The following TRIO variants were observed in gnomAD, a reference collection of about 807,000 sequenced individuals.
The protein encoded by TRIO is trio Rho guanine nucleotide exchange factor, also known as triple functional domain protein.
In TRIO, 58 loss-of-function variants were observed where a neutral mutation model predicts 351.9. That is an observed-to-expected ratio of 0.16 (90% confidence interval 0.13 to 0.21). TRIO has a LOEUF of 0.21. Among genes scored for constraint, TRIO ranks in the 10% least tolerant of loss-of-function variants. The pLI, the probability that TRIO is intolerant of heterozygous loss-of-function variation, is 1.00. For synonymous variants in TRIO, 1,758 were observed against 1,595.7 expected (o/e 1.10, Z -2.42); for missense variants, 3,201 against 4,027.8 (o/e 0.79, Z 5.56).
intron 34 of TRIO, among the ~76,000 whole-genome samples, chr5:14,449,391 C>T (rs746556483): frequency 3.9e-5 from 6 of 152,172 alleles, no homozygotes; most frequent in East Asian, 1.9e-4. Flanking sequence ...GACATCGACG[C>T]GGCCAGCCTC....
chr5:14,181,724 T>C (rs1789781487), intron 1 of TRIO, among the ~76,000 whole-genome samples: 1 of 152,174 alleles, frequency 6.6e-6, no homozygotes, highest in African/African-American at 2.4e-5. Flanking sequence ...GTCAGGGGTC[T>C]GTAAAGGTGG....
At chr5:14,224,167 A>G (rs1792831180) in intron 1 of TRIO, among the ~76,000 whole-genome samples, 1 of 152,066 alleles carries the variant, frequency 6.6e-6, no homozygotes, top group Non-Finnish European at 1.5e-5. Flanking sequence ...GGAAGAACAC[A>G]TTATTATTAT....
chr5:14,368,670 C>CT (rs1301068550), intron 16 of TRIO, 38 bp from the exon 17 acceptor site: 7 of 1,592,384 alleles, frequency 4.4e-6, no homozygotes, highest in Non-Finnish European at 6.0e-6. Flanking sequence ...AGTGGGGACA[C>CT]TGACAAATAA....
At chr5:14,338,084 T>C (rs1741590131) in intron 11 of TRIO, among the ~76,000 whole-genome samples, 2 of 152,328 alleles carry the variant, frequency 1.3e-5, no homozygotes, top group African/African-American at 4.8e-5. Flanking sequence ...TTCCTAGTCA[T>C]TGCTGCACGT....
At chr5:14,349,988 G>C (rs1742903429) in intron 11 of TRIO, among the ~76,000 whole-genome samples, 1 of 152,174 alleles carries the variant, frequency 6.6e-6, no homozygotes, top group Non-Finnish European at 1.5e-5. Flanking sequence ...TTGGTTTTCT[G>C]TTCATGCATT....
At chr5:14,281,406 T>C (rs1014853956) in intron 3 of TRIO, among the ~76,000 whole-genome samples, 1 of 144,840 alleles carries the variant, frequency 6.9e-6, no homozygotes, top group Admixed American at 6.8e-5. Flanking sequence ...ACTAGGGAGA[T>C]GGTGCTAAGC....
At chr5:14,502,806 A>G in intron 54 of TRIO, 149 bp downstream of exon 54, 1 of 803,842 alleles carries the variant, frequency 1.2e-6, no homozygotes. Context: ...CATTGCCTTT[A>G]GACGCTAAAC....
chr5:14,319,189 T>C (rs1241925595), intron 9 of TRIO, among the ~76,000 whole-genome samples: 1 of 152,244 alleles, frequency 6.6e-6, no homozygotes, highest in African/African-American at 2.4e-5. Flanking sequence ...TTTTTTGCAA[T>C]ACACATAATG....
At chr5:14,170,813 A>G (rs1031862100) in intron 1 of TRIO, among the ~76,000 whole-genome samples, 6 of 152,186 alleles carry the variant, frequency 3.9e-5, no homozygotes, top group Non-Finnish European at 8.8e-5. Context: ...CTCGAGATGT[A>G]ATATATTCTC....
intron 1 of TRIO, among the ~76,000 whole-genome samples, chr5:14,261,346 G>C (rs1795333547): frequency 6.6e-6 from 1 of 152,200 alleles, no homozygotes; most frequent in Non-Finnish European, 1.5e-5. Context: ...AGTTTGTGCT[G>C]GGAGGCCTCA....
At chr5:14,462,540 A>G (rs1291822893) in intron 35 of TRIO, among the ~76,000 whole-genome samples, 1 of 152,230 alleles carries the variant, frequency 6.6e-6, no homozygotes, top group Non-Finnish European at 1.5e-5. Context: ...TATATGACAC[A>G]TGACACATTC....
chr5:14,151,601 A>G (rs886883931), intron 1 of TRIO, among the ~76,000 whole-genome samples: 5 of 152,218 alleles, frequency 3.3e-5, no homozygotes, highest in Non-Finnish European at 7.3e-5. Context: ...CTTTCAGGCA[A>G]AATGTTTAGA....
intron 18 of TRIO, among the ~76,000 whole-genome samples, chr5:14,373,868 C>T (rs1049241146): frequency 2.0e-5 from 3 of 152,204 alleles, no homozygotes; most frequent in Non-Finnish European, 4.4e-5. Context: ...AGTTCTGCAG[C>T]TCAAGGTCAC....
intron 31 of TRIO, among the ~76,000 whole-genome samples, chr5:14,403,288 GGTT>G (rs1467577136): frequency 2.1e-5 from 3 of 144,614 alleles, no homozygotes; most frequent in African/African-American, 5.3e-5. Context: ...TGAGGGTGTA[GGTT>G]GTGGTGGTGA....
chr5:14,380,202 C>A (rs920925768), intron 20 of TRIO, among the ~76,000 whole-genome samples: 2 of 152,154 alleles, frequency 1.3e-5, no homozygotes, highest in African/African-American at 2.4e-5. Context: ...TCTCCGTGTC[C>A]CTCTTGTCTT....
At chr5:14,277,035 A>C (rs1021846358) in intron 2 of TRIO, among the ~76,000 whole-genome samples, 1 of 152,238 alleles carries the variant, frequency 6.6e-6, no homozygotes, top group African/African-American at 2.4e-5. Flanking sequence ...GATACCTGAT[A>C]GGAGGTATTT....
At chr5:14,390,587 C>CGCA in intron 26 of TRIO, 1 of 530,564 alleles carries the variant, frequency 1.9e-6, no homozygotes, top group Non-Finnish European at 3.3e-6. Flanking sequence ...TCTGGGGGAT[C>CGCA]GTCTAGTCTA....
chr5:14,370,890 C>T (rs1184886210), intron 18 of TRIO, among the ~76,000 whole-genome samples: 1 of 152,142 alleles, frequency 6.6e-6, no homozygotes, highest in Non-Finnish European at 1.5e-5. Context: ...CCACTTAGTT[C>T]ATATAATTAA....
In TRIO at chr5:14,290,558, T is replaced by C. The variant is rs371665176; in HGVS notation, c.541-158T>C. Among the ~76,000 whole-genome samples the C allele has an allele frequency of 3.3e-5, 5 of 152,388 alleles. No individual in the cohort carries two copies. The East Asian group carries it at 7.7e-4, about 23-fold the overall frequency. ...TTGTACTGATAATGCTTCTTTCATC[T>C]ACATTTATTTTTATGGGGCCAGAAC... On this transcript the variant is annotated intron_variant, in intron 4 of 56. Transcript: ENST00000344204.
Sources: allele counts gnomAD v4.1 joint callset (sites outside exome capture counted in the v4.1 genomes callset), GRCh38; gene constraint gnomAD v4.1.1; transcripts MANE v1.5; gene names NCBI Gene and HGNC (gene_info 2026-07-23, HGNC 2026-07-21).